Variants in NRIP1 observed in about 807,000 individuals in gnomAD.
NRIP1 encodes the protein nuclear receptor-interacting protein 1.
A neutral mutation model predicts 75.0 loss-of-function variants in NRIP1; 28 were observed. That is an observed-to-expected ratio of 0.37 (90% CI 0.28 to 0.51). NRIP1 has a LOEUF of 0.51. NRIP1 is among the 20% of genes least tolerant of loss of function. The pLI, the probability that NRIP1 is intolerant of heterozygous loss-of-function variation, is 0.92. For synonymous variants in NRIP1, 526 were observed against 487.6 expected (o/e 1.08, Z -1.04); for missense variants, 1,435 against 1,343.7 (o/e 1.07, Z -1.06).
rs769638772 is a variant in NRIP1 at position 14,964,728 on chromosome 21, T to C, written c.3465A>G (p.Lys1155=). The stretch of plus-strand genomic sequence containing the variant: ...TGGCAGGTACATTTTATTCTGATTC[T>C]TTCTTTATCGTTAGCACGCTTCCCA... ...GLLGSVLTIK[K]ESE is the part of the protein sequence containing the mutation. Residue 1155 remains lysine, a synonymous_variant, in exon 4 of 4, where the codon AAA becomes AAG. Transcript: ENST00000318948. 9 of 1,542,016 alleles carry C rather than the reference T, an allele frequency of 5.8e-6. No homozygotes were observed. In the Admixed American group the frequency reaches 1.3e-4, roughly 23 times the overall value.
At chr21:15,063,189 T>C (rs917981407) in intron 1 of NRIP1, among the ~76,000 whole-genome samples, 2 of 152,178 alleles carry the variant, frequency 1.3e-5, no homozygotes, top group African/African-American at 4.8e-5. Context: ...TCCTTCTTTG[T>C]CTCTAGGAAC....
chr21:15,002,855 A>G (rs2087880203), intron 3 of NRIP1, among the ~76,000 whole-genome samples: 1 of 152,228 alleles, frequency 6.6e-6, no homozygotes, highest in Non-Finnish European at 1.5e-5. Context: ...CTACTTTACC[A>G]AGAAAAGTAT....
chr21:15,041,020 A>C (rs1319661349), intron 2 of NRIP1, among the ~76,000 whole-genome samples: 1 of 152,128 alleles, frequency 6.6e-6, no homozygotes, highest in Non-Finnish European at 1.5e-5. Flanking sequence ...CTCATGAGAA[A>C]TGAAGGCTTA....
intron 3 of NRIP1, among the ~76,000 whole-genome samples, chr21:14,973,604 T>C (rs1600814878): frequency 6.6e-6 from 1 of 152,240 alleles, no homozygotes; most frequent in East Asian, 1.9e-4. Context: ...AAATTTAGTA[T>C]AACATTCAGG....
At chr21:15,063,942 T>C (rs768613531) in intron 1 of NRIP1, among the ~76,000 whole-genome samples, 5 of 152,244 alleles carry the variant, frequency 3.3e-5, no homozygotes, top group Non-Finnish European at 4.4e-5. Context: ...AAGACACAGT[T>C]GGTTCCTTTG....
At position 14,965,644 on chromosome 21, in the gene NRIP1, T is replaced by C. The variant is rs1481612795; in HGVS notation, c.2549A>G (p.Lys850Arg). ...RNNEMALLES[K>R]NLCMVPKKRK... ...TTTCTTAGGGACCATGCAAAGATTC[T>C]TTGATTCTAGAAGTGCCATTTCATT... Residue 850 changes from lysine (K) to arginine (R), a missense_variant, in exon 4 of 4, where the codon AAG (lysine) becomes AGG (arginine). Physicochemically the swap from Lys to Arg is conservative, Grantham distance 26. Transcript: ENST00000318948. 1 of 1,613,300 alleles carries C rather than the reference T, an allele frequency of 6.2e-7. No homozygotes were observed. Among genetic ancestry groups the C allele is most frequent in the Non-Finnish European group, 8.5e-7 (1 of 1,179,892 alleles).
At chr21:15,063,901 T>C (rs971172301) in intron 1 of NRIP1, among the ~76,000 whole-genome samples, 7 of 152,218 alleles carry the variant, frequency 4.6e-5, no homozygotes, top group African/African-American at 7.2e-5. Context: ...GAGATCAACA[T>C]GTGTCACAGA....
chr21:14,991,622 G>A (rs1346764192), intron 3 of NRIP1, among the ~76,000 whole-genome samples: 2 of 152,046 alleles, frequency 1.3e-5, no homozygotes, highest in South Asian at 2.1e-4. Context: ...CACAAAAAGG[G>A]AGACTTGTAA....
chr21:15,035,205 T>C (rs2088803431), intron 2 of NRIP1, among the ~76,000 whole-genome samples: 1 of 152,132 alleles, frequency 6.6e-6, no homozygotes, highest in Non-Finnish European at 1.5e-5. Context: ...AAAAGAGAAA[T>C]ATACCCTTTG....
Position 14,965,171 on chromosome 21 carries a change from T to A in NRIP1, c.3022A>T (p.Thr1008Ser). Reference protein sequence around the residue: ...RTFSYPGVVKTPVSPTFPEHL... With the variant: ...RTFSYPGVVKSPVSPTFPEHL... ...TCAGGGAAAGTAGGACTCACAGGAG[T>A]TTTTACTACACCTGGGTATGAAAAT... The change falls in exon 4 of 4, where the codon ACT (threonine) becomes TCT (serine). Residue 1008 changes from threonine (T) to serine (S), a missense_variant. Physicochemically the swap from Thr to Ser is moderately conservative, Grantham distance 58. Coordinates refer to ENST00000318948, the MANE Select transcript of NRIP1 (RefSeq NM_003489.4). 1 of 1,612,808 alleles carries A rather than the reference T, an allele frequency of 6.2e-7. No homozygotes were observed. The highest frequency in any genetic ancestry group is 1.3e-5 in the African/African-American group (1 of 74,854).
intron 2 of NRIP1, among the ~76,000 whole-genome samples, chr21:15,025,490 A>C (rs1332650111): frequency 1.3e-5 from 2 of 152,202 alleles, no homozygotes; most frequent in Non-Finnish European, 2.9e-5. Flanking sequence ...GCTCATAAGC[A>C]CACACTGATA....
Position 15,031,039 on chromosome 21 carries a change from G to A in NRIP1, c.-458+12456C>T, listed in dbSNP as rs573376890. 5.4e-3 allele frequency among the ~76,000 whole-genome samples: 674 copies of A among 123,886 alleles called. 18 individuals carry two copies. Among genetic ancestry groups the A allele is most frequent in the African/African-American group, 0.011 (395 of 35,914 alleles). The allele number at this position is 123,886 out of a possible 152,430, so 81.3% of individuals were successfully genotyped here. A position where few individuals can be genotyped will look rare whatever the true frequency, so the allele number is the denominator to read the frequency against. The stretch of plus-strand genomic sequence containing the variant: ...TTTCTATGTGTATACTCTGGAAGGC[G>A]GTTGGAGGTTCACTACATTCCCTTT... On this transcript the variant is annotated intron_variant, in intron 2 of 3. Transcript: ENST00000318948.
chr21:15,021,286 A>G (rs975563249), intron 2 of NRIP1, among the ~76,000 whole-genome samples: 1 of 152,234 alleles, frequency 6.6e-6, no homozygotes, highest in African/African-American at 2.4e-5. Context: ...GCTAAATACG[A>G]AAGATATCTA....
At chr21:15,049,848 C>T (rs965013687) in intron 1 of NRIP1, among the ~76,000 whole-genome samples, 15 of 151,980 alleles carry the variant, frequency 9.9e-5, no homozygotes, top group African/African-American at 3.6e-4. Flanking sequence ...TTACGTAAAT[C>T]TATATTAGAT....
chr21:15,027,199 G>C (rs1279121058), intron 2 of NRIP1, among the ~76,000 whole-genome samples: 1 of 152,318 alleles, frequency 6.6e-6, no homozygotes, highest in African/African-American at 2.4e-5. Flanking sequence ...GAAAGCGGTT[G>C]CAAGACACCA....
At chr21:15,002,452 T>C (rs191222382) in intron 3 of NRIP1, 2 of 152,198 alleles carry the variant, frequency 1.3e-5, no homozygotes, top group East Asian at 1.9e-4. Context: ...GCTAAACACA[T>C]GCACAGCATG....
chr21:14,981,229 C>T (rs1367731089), intron 3 of NRIP1, among the ~76,000 whole-genome samples: 2 of 152,232 alleles, frequency 1.3e-5, no homozygotes, highest in African/African-American at 4.8e-5. Flanking sequence ...AAGCTACCAG[C>T]ACACCATCAG....
chr21:15,022,534 G>A (rs1202261894), intron 2 of NRIP1, among the ~76,000 whole-genome samples: 1 of 152,060 alleles, frequency 6.6e-6, no homozygotes, highest in Non-Finnish European at 1.5e-5. Context: ...ATGTACCCCA[G>A]AACTTAAAAT....
At chr21:14,994,087 T>TAA (rs2087649130) in intron 3 of NRIP1, among the ~76,000 whole-genome samples, 1 of 152,080 alleles carries the variant, frequency 6.6e-6, no homozygotes, top group African/African-American at 2.4e-5. Context: ...CTATTGTTTA[T>TAA]AAAACCATCC....
Sources: gnomAD v4.1 joint callset for allele counts (sites outside exome capture counted in the v4.1 genomes callset) on GRCh38, gnomAD v4.1.1 for gene constraint, MANE v1.5 for transcripts, NCBI Gene and HGNC (gene_info 2026-07-23, HGNC 2026-07-21) for gene names.